TTBK2: variants seen among roughly 807,000 people sequenced by gnomAD.
The protein encoded by TTBK2 is tau tubulin kinase 2.
Under a neutral mutation model 110.8 loss-of-function variants are expected in TTBK2, and 28 were observed. The observed-to-expected ratio is 0.25, with a 90% confidence interval of 0.19 to 0.35. The LOEUF is 0.35. TTBK2 is among the 10% of genes least tolerant of loss of function. The pLI, the probability that TTBK2 is intolerant of heterozygous loss-of-function variation, is 1.00. For synonymous variants in TTBK2, 532 were observed against 527.3 expected (o/e 1.01, Z -0.12); for missense variants, 1,369 against 1,500.3 (o/e 0.91, Z 1.45).
intron 13 of TTBK2, among the ~76,000 whole-genome samples, chr15:42,770,014 A>C (rs2140724533): frequency 6.6e-6 from 1 of 151,600 alleles, no homozygotes; most frequent in East Asian, 1.9e-4. Flanking sequence ...AGAAAACCAA[A>C]CACCACATGC....
Position 42,920,633 on chromosome 15 carries a change from T to TGGCGGC in TTBK2, c.-269_-264dup, listed in dbSNP as rs377202784. The TGGCGGC allele has an allele frequency of 8.3e-5, 13 of 157,148 alleles. No individual in the cohort carries two copies. The highest frequency in any genetic ancestry group is 1.4e-4 in the Non-Finnish European group (10 of 71,890). The allele number at this position is 157,148 out of a possible 1,614,324, so 9.7% of individuals were successfully genotyped here. A position where few individuals can be genotyped will look rare whatever the true frequency, so the allele number is the denominator to read the frequency against. On this transcript the variant is annotated 5_prime_UTR_variant, in exon 1 of 15. Transcript: ENST00000267890. ...CCCCTGGGGTACCGTCCGCGTTTAC[T>TGGCGGC]GGCGGCGGCGGCGGCGGCTGCTGCT...
At chr15:42,878,791 C>T in intron 1 of TTBK2, 107 bp from the exon 2 acceptor site, 2 of 1,388,184 alleles carry the variant, frequency 1.4e-6, no homozygotes, top group South Asian at 2.7e-5. Flanking sequence ...ACTAATTAGG[C>T]TATTTTGTTG....
chr15:42,765,744 T>C (rs1889336879), intron 13 of TTBK2, among the ~76,000 whole-genome samples: 1 of 152,032 alleles, frequency 6.6e-6, no homozygotes, highest in Non-Finnish European at 1.5e-5. Flanking sequence ...CAGGCCAACA[T>C]TCAAATTCAG....
intron 9 of TTBK2, among the ~76,000 whole-genome samples, chr15:42,807,522 T>C (rs28434223): frequency 0.019 from 2,930 of 152,170 alleles, 45 homozygotes; most frequent in Admixed American, 0.032. Flanking sequence ...AACCCTCCCA[T>C]CTCCGTTTCC....
Position 42,794,814 on chromosome 15 carries a change from G to A in TTBK2, c.823-13C>T. On this transcript the variant is annotated splice_polypyrimidine_tract_variant and intron_variant, in intron 9 of 14. Coordinates refer to ENST00000267890, the MANE Select transcript of TTBK2 (RefSeq NM_173500.4). Reference sequence around the variant, plus strand: ...CGGATGTAAGAAGCTAAACCACAAAGAAAAAAACTAGAGTAAGTGAACAGT... The same window carrying A: ...CGGATGTAAGAAGCTAAACCACAAAAAAAAAAACTAGAGTAAGTGAACAGT... 1.2e-6 allele frequency: 2 copies of A among 1,613,588 alleles called. No homozygotes were observed. Among genetic ancestry groups the A allele is most frequent in the South Asian group, 2.2e-5 (2 of 91,026 alleles).
intron 9 of TTBK2, 76 bp downstream of exon 9, chr15:42,810,538 C>T: frequency 6.3e-7 from 1 of 1,586,388 alleles, no homozygotes; most frequent in Non-Finnish European, 8.6e-7. Flanking sequence ...TTTATAACAC[C>T]TTCAAAGCTA....
In TTBK2 at chr15:42,744,757, T is replaced by A. The variant is rs1222654004; in HGVS notation, c.*1038A>T. On this transcript the variant is annotated 3_prime_UTR_variant, in exon 15 of 15. Coordinates refer to ENST00000267890, the MANE Select transcript of TTBK2 (RefSeq NM_173500.4). ...ATGTATAAAATACAAAGTTTGAGGA[T>A]TCTAAGCCTCAATAATATATCTAAT... The A allele has an allele frequency of 6.6e-6, 1 of 152,288 alleles. No individual in the cohort carries two copies. Among genetic ancestry groups the A allele is most frequent in the Non-Finnish European group, 1.5e-5 (1 of 68,094 alleles). 9.4% of individuals were successfully genotyped at this position (152,288 alleles called of 1,614,324 possible).
chr15:42,903,135 A>G (rs373291834), intron 1 of TTBK2, among the ~76,000 whole-genome samples: 96 of 152,292 alleles, frequency 6.3e-4, no homozygotes, highest in African/African-American at 2.2e-3. Context: ...AAATGCAGAT[A>G]AACCTTAAAG....
At chr15:42,893,342 T>A (rs1367890478) in intron 1 of TTBK2, among the ~76,000 whole-genome samples, 3 of 151,984 alleles carry the variant, frequency 2.0e-5, no homozygotes, top group South Asian at 2.1e-4. Context: ...AAAATTTTTT[T>A]AAAAAACTTA....
intron 13 of TTBK2, among the ~76,000 whole-genome samples, chr15:42,764,166 A>G (rs923800188): frequency 1.3e-4 from 20 of 152,240 alleles, no homozygotes; most frequent in African/African-American, 4.8e-4. Context: ...GAACAGCTCC[A>G]GTCTGCAGCT....
At chr15:42,815,865 T>C (rs1285936469) in intron 7 of TTBK2, among the ~76,000 whole-genome samples, 1 of 122,494 alleles carries the variant, frequency 8.2e-6, no homozygotes, top group Admixed American at 8.7e-5. Flanking sequence ...TCTCTATATA[T>C]ATATATTTAA....
intron 1 of TTBK2, among the ~76,000 whole-genome samples, chr15:42,915,770 G>T (rs527261443): frequency 8.5e-5 from 13 of 152,192 alleles, no homozygotes; most frequent in African/African-American, 3.1e-4. Flanking sequence ...AACATAGTGG[G>T]ACCCCACCTA....
intron 1 of TTBK2, among the ~76,000 whole-genome samples, chr15:42,898,390 C>T (rs1361740832): frequency 2.0e-5 from 3 of 151,702 alleles, no homozygotes. Context: ...AAAGAAAATA[C>T]AAAAAATAGC....
chr15:42,851,579 A>C (rs989198324), intron 3 of TTBK2, among the ~76,000 whole-genome samples: 2 of 152,118 alleles, frequency 1.3e-5, no homozygotes, highest in African/African-American at 2.4e-5. Flanking sequence ...GTTTGATTCC[A>C]TATGTTGTTG....
At chr15:42,837,634 G>A (rs572091468) in intron 4 of TTBK2, among the ~76,000 whole-genome samples, 8 of 145,044 alleles carry the variant, frequency 5.5e-5, no homozygotes, top group African/African-American at 1.6e-4. Context: ...ACTCCTGCCC[G>A]GTGACAGAGT....
chr15:42,763,184 ATATATATATTTTTTTTTT>A (rs1240544378), intron 13 of TTBK2, among the ~76,000 whole-genome samples: 3 of 23,266 alleles, frequency 1.3e-4, no homozygotes, highest in African/African-American at 6.9e-4. Context: ...ATATATATAT[ATATATATATTTTTTTTTT>A]TTTTTTTTTT....
At chr15:42,763,159 T>TATATATATATATATATATAC (rs1889136808) in intron 13 of TTBK2, among the ~76,000 whole-genome samples, 1 of 7,994 alleles carries the variant, frequency 1.3e-4, no homozygotes, top group African/African-American at 5.1e-4. Flanking sequence ...TATATATACA[T>TATATATATATATATATATAC]ATATATATAT....
intron 9 of TTBK2, among the ~76,000 whole-genome samples, chr15:42,799,622 GAC>G (rs1891093310): frequency 1.3e-5 from 2 of 152,104 alleles, no homozygotes; most frequent in South Asian, 4.1e-4. Flanking sequence ...TTTTAGTAGA[GAC>G]AGGGTTTTGC....
intron 13 of TTBK2, among the ~76,000 whole-genome samples, chr15:42,756,508 C>T (rs1435925229): frequency 6.6e-6 from 1 of 152,066 alleles, no homozygotes; most frequent in Admixed American, 6.6e-5. Context: ...ATGGCTTGAA[C>T]CTGGGAGGCA....
Sources: gnomAD v4.1 joint callset for allele counts (sites outside exome capture counted in the v4.1 genomes callset) on GRCh38, gnomAD v4.1.1 for gene constraint, MANE v1.5 for transcripts, NCBI Gene and HGNC (gene_info 2026-07-23, HGNC 2026-07-21) for gene names.